TTLL5: variants seen among roughly 807,000 people sequenced by gnomAD.
TTLL5 encodes the protein tubulin polyglutamylase TTLL5.
In TTLL5, 132 loss-of-function variants were observed where a neutral mutation model predicts 168.4. That is an observed-to-expected ratio of 0.78 (90% CI 0.68 to 0.91). The LOEUF (loss-of-function observed/expected upper bound fraction) is 0.91. TTLL5 is among the 40% of genes least tolerant of loss of function. The pLI is 0.00. For missense variants in TTLL5, 1,545 were observed against 1,581.5 expected (o/e 0.98, Z 0.39); for synonymous variants, 546 against 558.6 (o/e 0.98, Z 0.32).
intron 25 of TTLL5, among the ~76,000 whole-genome samples, chr14:75,782,897 T>G (rs959749524): frequency 6.6e-6 from 1 of 152,198 alleles, no homozygotes; most frequent in East Asian, 1.9e-4. Flanking sequence ...CTGCTCTGTT[T>G]CATAGAGGTA....
At chr14:75,861,376 A>G (rs890958499) in intron 28 of TTLL5, among the ~76,000 whole-genome samples, 1 of 152,198 alleles carries the variant, frequency 6.6e-6, no homozygotes, top group Non-Finnish European at 1.5e-5. Context: ...GGGCACAGGC[A>G]ACAGAGGAGC....
At chr14:75,945,882 G>GT (rs2034756921) in intron 31 of TTLL5, among the ~76,000 whole-genome samples, 1 of 152,186 alleles carries the variant, frequency 6.6e-6, no homozygotes, top group Non-Finnish European at 1.5e-5. Flanking sequence ...AGCAATTCCA[G>GT]TCTGATTGAC....
rs537782365 is a variant in TTLL5 at position 75,707,435 on chromosome 14, T to C, written c.656-188T>C. 3.3e-5 allele frequency among the ~76,000 whole-genome samples: 5 copies of C among 152,202 alleles called. No individual in the cohort carries two copies. In the South Asian group the frequency reaches 1.0e-3, roughly 32 times the overall value. The stretch of plus-strand genomic sequence containing the variant: ...TTTATTATGTACTATATACATAATA[T>C]GTATACGGTACAATTATATAGTATA... On this transcript the variant is annotated intron_variant, in intron 8 of 31. Coordinates refer to ENST00000298832, the MANE Select transcript of TTLL5 (RefSeq NM_015072.5).
In TTLL5 at chr14:75,954,674, T is replaced by TGG. The variant is rs901140347; in HGVS notation, c.*231_*232dup. 1.2e-4 allele frequency: 71 copies of TGG among 590,640 alleles called. No homozygotes were observed. The highest frequency in any genetic ancestry group is 2.0e-4 in the Non-Finnish European group (66 of 332,020). The allele number at this position is 590,640 out of a possible 1,614,324, so 36.6% of individuals were successfully genotyped here. A position where few individuals can be genotyped will look rare whatever the true frequency, so the allele number is the denominator to read the frequency against. ...TCTGGGTTTTGATGGAACTTGGCAG[T>TGG]GGGGACATTCAGCTGATGCATTATA... On this transcript the variant is annotated 3_prime_UTR_variant, in exon 32 of 32. Coordinates refer to ENST00000298832, the MANE Select transcript of TTLL5 (RefSeq NM_015072.5).
intron 29 of TTLL5, among the ~76,000 whole-genome samples, chr14:75,865,557 A>G (rs2030452863): frequency 6.6e-6 from 1 of 152,138 alleles, no homozygotes; most frequent in South Asian, 2.1e-4. Context: ...TCTGGCTCTA[A>G]TGAATCTAGA....
intron 21 of TTLL5, among the ~76,000 whole-genome samples, chr14:75,772,130 A>G (rs1376678705): frequency 6.6e-6 from 1 of 152,206 alleles, no homozygotes; most frequent in Non-Finnish European, 1.5e-5. Context: ...TTGGAAATTG[A>G]TTTCTCATTG....
At chr14:75,790,465 T>A (rs1164347859) in intron 26 of TTLL5, among the ~76,000 whole-genome samples, 1 of 151,524 alleles carries the variant, frequency 6.6e-6, no homozygotes, top group Non-Finnish European at 1.5e-5. Context: ...ATTTTCTTTC[T>A]TTTTTTCTTT....
intron 31 of TTLL5, among the ~76,000 whole-genome samples, chr14:75,917,672 C>T (rs1042449696): frequency 1.3e-5 from 2 of 152,214 alleles, no homozygotes; most frequent in African/African-American, 4.8e-5. Flanking sequence ...CCTCTACTCC[C>T]CTGGGTGGGG....
intron 20 of TTLL5, among the ~76,000 whole-genome samples, chr14:75,767,302 G>T (rs1208909133): frequency 1.3e-5 from 2 of 152,212 alleles, no homozygotes; most frequent in African/African-American, 4.8e-5. Flanking sequence ...GATAGGCCTG[G>T]AGTTTACAGT....
At chr14:75,887,805 C>T (rs1274417525) in intron 30 of TTLL5, among the ~76,000 whole-genome samples, 1 of 152,224 alleles carries the variant, frequency 6.6e-6, no homozygotes, top group Non-Finnish European at 1.5e-5. Context: ...TAGGAACTCA[C>T]TCCTCTCTTT....
chr14:75,892,205 T>C (rs1024882915), intron 30 of TTLL5, among the ~76,000 whole-genome samples: 5 of 152,218 alleles, frequency 3.3e-5, no homozygotes, highest in Admixed American at 6.5e-5. Context: ...GTTCACACTT[T>C]CACATCCATT....
chr14:75,839,658 C>A (rs912714102), intron 28 of TTLL5, among the ~76,000 whole-genome samples: 1 of 152,046 alleles, frequency 6.6e-6, no homozygotes, highest in African/African-American at 2.4e-5. Flanking sequence ...AAACCGTGCC[C>A]ATTATTCAAT....
At chr14:75,933,630 T>C (rs1437636247) in intron 31 of TTLL5, among the ~76,000 whole-genome samples, 2 of 152,188 alleles carry the variant, frequency 1.3e-5, no homozygotes, top group African/African-American at 4.8e-5. Context: ...CAAGTTGTGG[T>C]TGTTGGCAAG....
chr14:75,740,605 G>C (rs1470603967), intron 15 of TTLL5, among the ~76,000 whole-genome samples: 1 of 152,080 alleles, frequency 6.6e-6, no homozygotes, highest in East Asian at 1.9e-4. Flanking sequence ...AAGCCTACTT[G>C]CTTTCTCCCC....
chr14:75,773,871 C>G (rs193235032), intron 21 of TTLL5, among the ~76,000 whole-genome samples: 3 of 122,156 alleles, frequency 2.5e-5, no homozygotes. Context: ...GGCTGGGTGA[C>G]AGAGCAAGAT....
chr14:75,729,421 C>A lies in TTLL5; in HGVS notation c.1043-2917C>A, dbSNP rs954729811. 2.0e-5 allele frequency among the ~76,000 whole-genome samples: 3 copies of A among 150,448 alleles called. No homozygotes were observed. The East Asian group carries it at 5.8e-4, about 29-fold the overall frequency. On this transcript the variant is annotated intron_variant, in intron 12 of 31. Transcript: ENST00000298832. Reference sequence around the variant, plus strand: ...TCTTTACCTTTTAAAATCTTCAATGCCCATAGAAAATACCAAATACCAATA... The same window carrying A: ...TCTTTACCTTTTAAAATCTTCAATGACCATAGAAAATACCAAATACCAATA...
intron 27 of TTLL5, chr14:75,814,373 A>G (rs1894253577): frequency 6.6e-6 from 1 of 152,168 alleles, no homozygotes; most frequent in African/African-American, 2.4e-5. Context: ...TCTTCATTTG[A>G]TCAGAGCTGG....
chr14:75,805,198 A>G (rs1893580755), intron 27 of TTLL5, among the ~76,000 whole-genome samples: 2 of 152,212 alleles, frequency 1.3e-5, no homozygotes, highest in South Asian at 4.1e-4. Context: ...AGCATGTGGC[A>G]CTATTATCAA....
chr14:75,829,377 G>T (rs1382850641), intron 28 of TTLL5, among the ~76,000 whole-genome samples: 1 of 152,068 alleles, frequency 6.6e-6, no homozygotes, highest in Non-Finnish European at 1.5e-5. Context: ...AACACATATG[G>T]TATATAATGT....
Sources: allele counts gnomAD v4.1 joint callset (sites outside exome capture counted in the v4.1 genomes callset), GRCh38; gene constraint gnomAD v4.1.1; transcripts MANE v1.5; gene names NCBI Gene and HGNC (gene_info 2026-07-23, HGNC 2026-07-21).